The following PPM1H variants were observed in gnomAD, a reference collection of about 807,000 sequenced individuals.
PPM1H encodes protein phosphatase 1H.
A neutral mutation model predicts 54.9 loss-of-function variants in PPM1H; 27 were observed. The ratio of observed to expected loss-of-function variants is 0.49; its 90% CI spans 0.36 to 0.68. The LOEUF (loss-of-function observed/expected upper bound fraction) is 0.68, where lower values mean the gene tolerates loss of function less well. PPM1H is among the 30% of genes least tolerant of loss of function. The pLI is 0.00. For missense variants in PPM1H, 596 were observed against 667.8 expected (o/e 0.89, Z 1.19); for synonymous variants, 305 against 270.8 (o/e 1.13, Z -1.24).
At chr12:62,864,174 C>A (rs1160212073) in intron 1 of PPM1H, among the ~76,000 whole-genome samples, 12 of 152,146 alleles carry the variant, frequency 7.9e-5, no homozygotes, top group Non-Finnish European at 1.5e-4. Flanking sequence ...CCCTCGACAA[C>A]AAAAATTAGC....
At chr12:62,789,671 C>T (rs140156949) in intron 3 of PPM1H, among the ~76,000 whole-genome samples, 57 of 152,328 alleles carry the variant, frequency 3.7e-4, no homozygotes, top group African/African-American at 1.3e-3. Flanking sequence ...AAGACCATCA[C>T]TATGAACCTC....
chr12:62,729,875 C>T (rs938334245), intron 5 of PPM1H, among the ~76,000 whole-genome samples: 1 of 152,140 alleles, frequency 6.6e-6, no homozygotes, highest in Non-Finnish European at 1.5e-5. Flanking sequence ...TCAGATAAGC[C>T]ATCATATCCC....
chr12:62,849,700 T>C lies in PPM1H; in HGVS notation c.246-17421A>G, dbSNP rs1869107300. ...TATAAAATTCAAAGTACTAAAATAC[T>C]CTCCCCTCCCAGAGGAAGAAAAGTT... On this transcript the variant is annotated intron_variant, in intron 1 of 9. Coordinates refer to ENST00000228705, the MANE Select transcript of PPM1H (RefSeq NM_020700.2). 2.0e-5 allele frequency among the ~76,000 whole-genome samples: 3 copies of C among 152,206 alleles called. No homozygotes were observed. The South Asian group carries it at 6.2e-4, about 32-fold the overall frequency.
At chr12:62,885,629 C>G (rs1362184354) in intron 1 of PPM1H, among the ~76,000 whole-genome samples, 1 of 152,152 alleles carries the variant, frequency 6.6e-6, no homozygotes, top group African/African-American at 2.4e-5. Context: ...TGGGGGTCAA[C>G]TTATAATTCT....
chr12:62,846,886 C>G (rs1017357682), intron 1 of PPM1H, among the ~76,000 whole-genome samples: 1 of 152,166 alleles, frequency 6.6e-6, no homozygotes, highest in African/African-American at 2.4e-5. Context: ...CTGCCACTGG[C>G]TAGTTGTGTG....
At chr12:62,697,632 T>C (rs949424707) in intron 6 of PPM1H, among the ~76,000 whole-genome samples, 2 of 152,112 alleles carry the variant, frequency 1.3e-5, no homozygotes, top group African/African-American at 4.8e-5. Flanking sequence ...TCTTTCTCAT[T>C]TGGGGGAAGA....
intron 1 of PPM1H, among the ~76,000 whole-genome samples, chr12:62,932,980 G>A (rs949788613): frequency 6.6e-6 from 1 of 152,094 alleles, no homozygotes; most frequent in African/African-American, 2.4e-5. Flanking sequence ...AAGAAATAGT[G>A]TTTGGTATGT....
intron 9 of PPM1H, chr12:62,658,911 T>G (rs2075863561): frequency 1.5e-6 from 1 of 668,214 alleles, no homozygotes; most frequent in African/African-American, 1.8e-5. Flanking sequence ...TATGTCAAAA[T>G]TAAGCGTAAC....
intron 9 of PPM1H, among the ~76,000 whole-genome samples, chr12:62,656,400 T>C (rs1261587993): frequency 6.6e-6 from 1 of 152,210 alleles, no homozygotes; most frequent in African/African-American, 2.4e-5. Context: ...TAAGTGTTAG[T>C]TATGTTCCTT....
At chr12:62,716,634 C>T (rs866081964) in intron 6 of PPM1H, among the ~76,000 whole-genome samples, 3 of 152,200 alleles carry the variant, frequency 2.0e-5, no homozygotes, top group African/African-American at 7.2e-5. Flanking sequence ...CCAAGCAATC[C>T]TTCCACCTCA....
At chr12:62,663,878 C>A (rs931391605) in intron 9 of PPM1H, among the ~76,000 whole-genome samples, 1 of 151,990 alleles carries the variant, frequency 6.6e-6, no homozygotes, top group Non-Finnish European at 1.5e-5. Flanking sequence ...GTAATCCCAG[C>A]TACTAGGGAG....
At chr12:62,738,914 T>G (rs918066498) in intron 4 of PPM1H, among the ~76,000 whole-genome samples, 3 of 149,234 alleles carry the variant, frequency 2.0e-5, no homozygotes, top group Non-Finnish European at 4.5e-5. Flanking sequence ...GCAGCTGTCA[T>G]GACCCCACCC....
At chr12:62,727,251 C>T (rs2076294785) in intron 5 of PPM1H, among the ~76,000 whole-genome samples, 1 of 152,088 alleles carries the variant, frequency 6.6e-6, no homozygotes, top group African/African-American at 2.4e-5. Context: ...CAGTGCCCAG[C>T]ATAGCACCCA....
intron 1 of PPM1H, among the ~76,000 whole-genome samples, chr12:62,930,042 G>A (rs1872085804): frequency 2.0e-5 from 3 of 152,228 alleles, no homozygotes; most frequent in Non-Finnish European, 2.9e-5. Flanking sequence ...GGGGATTTCC[G>A]AGCTTTGGGG....
chr12:62,846,562 G>A lies in PPM1H; in HGVS notation c.246-14283C>T, dbSNP rs117789615. Among the ~76,000 whole-genome samples the A allele has an allele frequency of 9.7e-4, 146 of 150,942 alleles. No homozygotes were observed. In the East Asian group the frequency reaches 0.025, roughly 25 times the overall value. On this transcript the variant is annotated intron_variant, in intron 1 of 9. Coordinates refer to ENST00000228705, the MANE Select transcript of PPM1H (RefSeq NM_020700.2). ...CTTACCATATCAGTGTCTTCCTGACGGGCCCTCTGAATATCCTCAGCTTCC... is the reference window on the plus strand; with the variant it reads ...CTTACCATATCAGTGTCTTCCTGACAGGCCCTCTGAATATCCTCAGCTTCC...
intron 4 of PPM1H, among the ~76,000 whole-genome samples, chr12:62,748,380 C>T (rs188498270): frequency 6.6e-6 from 1 of 152,334 alleles, no homozygotes; most frequent in East Asian, 1.9e-4. Context: ...AGGGAACTTG[C>T]TGAATGGCAA....
chr12:62,688,359 C>G (rs935213472), intron 8 of PPM1H, among the ~76,000 whole-genome samples: 1 of 152,004 alleles, frequency 6.6e-6, no homozygotes, highest in Non-Finnish European at 1.5e-5. Flanking sequence ...CCAGCAGCCA[C>G]CAGATTTCAG....
At chr12:62,764,918 G>A (rs1462850396) in intron 4 of PPM1H, among the ~76,000 whole-genome samples, 1 of 152,252 alleles carries the variant, frequency 6.6e-6, no homozygotes. Context: ...TGTGTGAGGA[G>A]CTGGACAAAG....
intron 6 of PPM1H, among the ~76,000 whole-genome samples, chr12:62,694,679 G>C (rs769781031): frequency 2.6e-5 from 4 of 152,146 alleles, no homozygotes; most frequent in Non-Finnish European, 5.9e-5. Flanking sequence ...TTATAACCAA[G>C]TTAAAAAACA....
Sources: gnomAD v4.1 joint callset for allele counts (sites outside exome capture counted in the v4.1 genomes callset) on GRCh38, gnomAD v4.1.1 for gene constraint, MANE v1.5 for transcripts, NCBI Gene and HGNC (gene_info 2026-07-23, HGNC 2026-07-21) for gene names.